FMNL2: variants seen among roughly 807,000 people sequenced by gnomAD.
The protein encoded by FMNL2 is formin like 2.
Under a neutral mutation model 130.2 loss-of-function variants are expected in FMNL2, and 51 were observed. The observed-to-expected ratio is 0.39, with a 90% CI of 0.31 to 0.49. FMNL2 has a LOEUF of 0.49. FMNL2 is among the 20% of genes least tolerant of loss of function. The probability of loss-of-function intolerance (pLI) is 0.85; values close to 1 mark genes in which losing one functional copy is unlikely to be tolerated. For missense variants in FMNL2, 977 were observed against 1,316.2 expected, an observed-to-expected ratio of 0.74 and a Z score of 3.99; for synonymous variants, 465 against 467.1, an observed-to-expected ratio of 1.00 and a Z score of 0.06.
Position 152,648,079 on chromosome 2 carries a change from C to G in FMNL2, c.*174C>G. 1.7e-6 allele frequency: 1 copy of G among 586,000 alleles called. No homozygotes were observed. Among genetic ancestry groups the G allele is most frequent in the East Asian group, 3.0e-5 (1 of 33,432 alleles). The allele number at this position is 586,000 out of a possible 1,614,324, so 36.3% of individuals were successfully genotyped here. A position where few individuals can be genotyped will look rare whatever the true frequency, so the allele number is the denominator to read the frequency against. On this transcript the variant is annotated 3_prime_UTR_variant, in exon 26 of 26. Transcript: ENST00000288670. ...GAGCTCTCCTTTCAACCCTTGTTAA[C>G]AAGTGCCTAAAAATGGAAGTACCTG...
At chr2:152,436,864 C>T (rs907519730) in intron 1 of FMNL2, among the ~76,000 whole-genome samples, 4 of 152,082 alleles carry the variant, frequency 2.6e-5, no homozygotes, top group African/African-American at 7.2e-5. Context: ...CCTCTGTCCA[C>T]GATATTTATA....
At chr2:152,449,853 A>T (rs1688539378) in intron 1 of FMNL2, among the ~76,000 whole-genome samples, 1 of 152,218 alleles carries the variant, frequency 6.6e-6, no homozygotes, top group Admixed American at 6.5e-5. Flanking sequence ...AGACTGCATA[A>T]CCTTCCTACA....
chr2:152,618,781 A>G lies in FMNL2; in HGVS notation c.1315-65A>G. 10 of 1,403,964 alleles carry G rather than the reference A, an allele frequency of 7.1e-6. No homozygotes were observed. The South Asian group carries it at 1.2e-4, about 17-fold the overall frequency. 87.0% of individuals were successfully genotyped at this position (1,403,964 alleles called of 1,614,324 possible). A position where few individuals can be genotyped will look rare whatever the true frequency, so the allele number is the denominator to read the frequency against. On this transcript the variant is annotated intron_variant, in intron 13 of 25. Coordinates refer to ENST00000288670, the MANE Select transcript of FMNL2 (RefSeq NM_052905.4). ...TTTTTCTCTTTATCCTCAGTTTGCC[A>G]ATCTGATGCTACTAAGTATGAATGT...
intron 1 of FMNL2, among the ~76,000 whole-genome samples, chr2:152,498,252 A>G (rs74551640): frequency 0.056 from 8,463 of 152,258 alleles, 537 homozygotes; most frequent in Admixed American, 0.2. Flanking sequence ...GTAGCATACT[A>G]TAGGTAGAAT....
At chr2:152,380,923 C>T (rs950559991) in intron 1 of FMNL2, among the ~76,000 whole-genome samples, 11 of 152,136 alleles carry the variant, frequency 7.2e-5, no homozygotes, top group African/African-American at 2.7e-4. Context: ...GTGACTTAAA[C>T]TGAGCCTTCA....
chr2:152,402,852 G>A (rs1466854346), intron 1 of FMNL2, among the ~76,000 whole-genome samples: 1 of 152,102 alleles, frequency 6.6e-6, no homozygotes, highest in East Asian at 1.9e-4. Flanking sequence ...TAAAGTCTGT[G>A]CTTTATTCAC....
At chr2:152,538,494 G>T (rs937899644) in intron 2 of FMNL2, among the ~76,000 whole-genome samples, 12 of 152,136 alleles carry the variant, frequency 7.9e-5, no homozygotes, top group South Asian at 2.1e-4. Context: ...TGGCCAGGCT[G>T]GTCTCAATCT....
chr2:152,529,103 T>C (rs1454146872), intron 2 of FMNL2, among the ~76,000 whole-genome samples: 1 of 152,226 alleles, frequency 6.6e-6, no homozygotes, highest in Non-Finnish European at 1.5e-5. Context: ...CCAATTTTGA[T>C]AGTCTTATAG....
At chr2:152,458,507 ATCCTGCG>A (rs1188500908) in intron 1 of FMNL2, among the ~76,000 whole-genome samples, 1 of 152,152 alleles carries the variant, frequency 6.6e-6, no homozygotes, top group Non-Finnish European at 1.5e-5. Context: ...TTTCTATGAA[ATCCTGCG>A]ACATTGGCCA....
intron 1 of FMNL2, among the ~76,000 whole-genome samples, chr2:152,375,869 C>CTATATA (rs1376054574): frequency 1.2e-4 from 14 of 113,276 alleles, no homozygotes; most frequent in South Asian, 3.6e-4. Context: ...CTCTCTCTCT[C>CTATATA]TCTCTCTCTA....
At chr2:152,367,723 C>T (rs916728415) in intron 1 of FMNL2, among the ~76,000 whole-genome samples, 2 of 152,140 alleles carry the variant, frequency 1.3e-5, no homozygotes, top group Non-Finnish European at 2.9e-5. Context: ...ATTTTGCATT[C>T]TGGTATTTTT....
chr2:152,615,440 CT>C (rs1698897362), intron 12 of FMNL2, among the ~76,000 whole-genome samples: 1 of 152,194 alleles, frequency 6.6e-6, no homozygotes, highest in Non-Finnish European at 1.5e-5. Flanking sequence ...ACATTCCTGT[CT>C]TACGGTACTC....
chr2:152,412,607 G>A (rs1686382494), intron 1 of FMNL2, among the ~76,000 whole-genome samples: 1 of 149,190 alleles, frequency 6.7e-6, no homozygotes, highest in Non-Finnish European at 1.5e-5. Context: ...AGGCATTGAA[G>A]ACCAGCCTGG....
chr2:152,502,876 G>T (rs866489135), intron 1 of FMNL2, among the ~76,000 whole-genome samples: 4 of 152,206 alleles, frequency 2.6e-5, no homozygotes, highest in African/African-American at 2.4e-5. Flanking sequence ...TTGAGAGAAG[G>T]GGGTAAGGAG....
intron 1 of FMNL2, among the ~76,000 whole-genome samples, chr2:152,507,502 G>A (rs899528075): frequency 6.6e-6 from 1 of 152,096 alleles, no homozygotes; most frequent in Admixed American, 6.5e-5. Flanking sequence ...GCTATATAAA[G>A]CTTCTTCTAT....
intron 1 of FMNL2, among the ~76,000 whole-genome samples, chr2:152,354,052 G>A (rs1212278593): frequency 6.6e-6 from 1 of 152,026 alleles, no homozygotes; most frequent in African/African-American, 2.4e-5. Context: ...GTTGACTCTT[G>A]TATATTTTGT....
At chr2:152,635,319 T>G (rs115498571) in intron 21 of FMNL2, among the ~76,000 whole-genome samples, 1 of 152,174 alleles carries the variant, frequency 6.6e-6, no homozygotes, top group Admixed American at 6.5e-5. Context: ...AAGGCTCTCG[T>G]GTCCTTTGCA....
In FMNL2 at chr2:152,384,435, T is replaced by C. The variant is rs1428592139; in HGVS notation, c.117+48715T>C. 2.6e-5 allele frequency among the ~76,000 whole-genome samples: 4 copies of C among 152,084 alleles called. No individual in the cohort carries two copies. In the East Asian group the frequency reaches 5.8e-4, roughly 22 times the overall value. On this transcript the variant is annotated intron_variant, in intron 1 of 25. Transcript: ENST00000288670. Reference sequence around the variant, plus strand: ...TAGACATCGATATTGCTGGCCAGGATAGGGGCTAGGCCATGGAATGACTGT... The same window carrying C: ...TAGACATCGATATTGCTGGCCAGGACAGGGGCTAGGCCATGGAATGACTGT...
At chr2:152,339,719 A>G (rs1681688566) in intron 1 of FMNL2, among the ~76,000 whole-genome samples, 1 of 152,056 alleles carries the variant, frequency 6.6e-6, no homozygotes, top group Admixed American at 6.6e-5. Flanking sequence ...ATTTGAGTCC[A>G]TTTCCTTCTC....
Sources: allele counts gnomAD v4.1 joint callset (sites outside exome capture counted in the v4.1 genomes callset), GRCh38; gene constraint gnomAD v4.1.1; transcripts MANE v1.5; gene names NCBI Gene and HGNC (gene_info 2026-07-23, HGNC 2026-07-21).